Variants in CWF19L2 observed in about 807,000 individuals in gnomAD.
CWF19L2 encodes the protein CWF19-like protein 2.
In CWF19L2, 98 loss-of-function variants were observed where a neutral mutation model predicts 111.7. The observed-to-expected ratio is 0.88, with a 90% CI of 0.75 to 1.04. The LOEUF (loss-of-function observed/expected upper bound fraction) is 1.04. Among genes scored for constraint, CWF19L2 ranks in the 50% least tolerant of loss-of-function variants. The pLI, the probability that CWF19L2 is intolerant of heterozygous loss-of-function variation, is 0.00. For missense variants in CWF19L2, 1,101 were observed against 1,051.4 expected, an observed-to-expected ratio of 1.05 and a Z score of -0.65; for synonymous variants, 351 against 342.9, an observed-to-expected ratio of 1.02 and a Z score of -0.26.
chr11:107,342,939 C>T (rs1265637076), intron 14 of CWF19L2, among the ~76,000 whole-genome samples: 3 of 152,094 alleles, frequency 2.0e-5, no homozygotes, highest in Non-Finnish European at 4.4e-5. Flanking sequence ...ATGCTGGCAG[C>T]CCCTAGAAAC....
chr11:107,347,974 T>C (rs553128241), intron 14 of CWF19L2, among the ~76,000 whole-genome samples: 1 of 152,292 alleles, frequency 6.6e-6, no homozygotes, highest in African/African-American at 2.4e-5. Context: ...TGAATTTCCA[T>C]ACTTTCCACC....
At chr11:107,454,313 G>T (rs1861821582) in intron 3 of CWF19L2, 137 bp downstream of exon 3, 2 of 609,950 alleles carry the variant, frequency 3.3e-6, no homozygotes, top group Admixed American at 4.2e-5. Context: ...TCTCTAAGTA[G>T]ATGTATCCCA....
intron 8 of CWF19L2, among the ~76,000 whole-genome samples, chr11:107,421,874 G>GGAAA (rs1204232636): frequency 6.6e-6 from 1 of 151,988 alleles, no homozygotes; most frequent in African/African-American, 2.4e-5. Flanking sequence ...CCAAGAGAAA[G>GGAAA]GAAAGCATAT....
chr11:107,349,870 T>G (rs77181355), intron 13 of CWF19L2, among the ~76,000 whole-genome samples: 1 of 151,860 alleles, frequency 6.6e-6, no homozygotes, highest in African/African-American at 2.4e-5. Flanking sequence ...AAAAAAGAAA[T>G]AAAGATTAAG....
At chr11:107,436,429 T>C (rs1022664828) in intron 6 of CWF19L2, among the ~76,000 whole-genome samples, 1 of 152,186 alleles carries the variant, frequency 6.6e-6, no homozygotes, top group African/African-American at 2.4e-5. Context: ...TGGGCTATAT[T>C]ACCCAACTCT....
chr11:107,330,862 T>C (rs943099283), intron 16 of CWF19L2, among the ~76,000 whole-genome samples: 1 of 152,150 alleles, frequency 6.6e-6, no homozygotes, highest in Non-Finnish European at 1.5e-5. Flanking sequence ...ATATAGTCTG[T>C]ACTTACTTAT....
At chr11:107,404,097 T>C in intron 10 of CWF19L2, 5 of 773,650 alleles carry the variant, frequency 6.5e-6, no homozygotes, top group South Asian at 1.3e-5. Context: ...ATGGTTCTCC[T>C]TTCTCCATGT....
intron 1 of CWF19L2, 72 bp downstream of exon 1, chr11:107,457,640 A>T (rs545901953): frequency 9.2e-7 from 1 of 1,085,378 alleles, no homozygotes; most frequent in African/African-American, 1.6e-5. Context: ...GGAAGGGGTG[A>T]GTGGGCTAGC....
At chr11:107,346,848 G>A (rs1860087503) in intron 14 of CWF19L2, among the ~76,000 whole-genome samples, 1 of 152,030 alleles carries the variant, frequency 6.6e-6, no homozygotes, top group Non-Finnish European at 1.5e-5. Context: ...CTGGCAAGTG[G>A]GCTTAGATGA....
In CWF19L2 at chr11:107,336,608, A is replaced by C. The variant is rs781336327; in HGVS notation, c.2308T>G (p.Cys770Gly). The C allele has an allele frequency of 1.7e-5, 27 of 1,608,556 alleles. 1 individual carries two copies. The South Asian group carries it at 2.7e-4, about 16-fold the overall frequency. The part of the protein sequence containing the change: ...MKKQYHMVYE[C>G]IPLPKEVGDM... Reference sequence around the variant, plus strand: ...CCCACTTCCTTGGGAAGAGGAATACATTCATAAACCATGTGATACTGTTTC... The same window carrying C: ...CCCACTTCCTTGGGAAGAGGAATACCTTCATAAACCATGTGATACTGTTTC... The change falls in exon 15 of 18, where the codon TGT becomes GGT. Residue 770 changes from cysteine to glycine, a missense_variant. Coordinates refer to ENST00000282251, the MANE Select transcript of CWF19L2 (RefSeq NM_152434.3).
intron 5 of CWF19L2, among the ~76,000 whole-genome samples, 183 bp from the exon 6 acceptor site, chr11:107,439,366 T>C (rs1351095317): frequency 6.6e-6 from 1 of 152,254 alleles, no homozygotes; most frequent in African/African-American, 2.4e-5. Flanking sequence ...TTCAATGTTC[T>C]TATTTAATGC....
At chr11:107,352,551 T>G (rs951935142) in intron 13 of CWF19L2, among the ~76,000 whole-genome samples, 3 of 152,206 alleles carry the variant, frequency 2.0e-5, no homozygotes, top group African/African-American at 7.2e-5. Context: ...AACTCTTATT[T>G]AAGTTATAAC....
intron 8 of CWF19L2, among the ~76,000 whole-genome samples, chr11:107,425,677 A>G (rs570235): frequency 0.18 from 27,133 of 151,756 alleles, 2,608 homozygotes; most frequent in Middle Eastern, 0.27. Context: ...CTGCTCTCAT[A>G]TTTGCTTCCT....
At chr11:107,440,362 A>T (rs1030219688) in intron 5 of CWF19L2, among the ~76,000 whole-genome samples, 1 of 152,206 alleles carries the variant, frequency 6.6e-6, no homozygotes, top group African/African-American at 2.4e-5. Flanking sequence ...GGGCTTTTTT[A>T]AATGTATCCA....
chr11:107,427,017 T>C (rs1453738095), intron 8 of CWF19L2, among the ~76,000 whole-genome samples: 1 of 151,990 alleles, frequency 6.6e-6, no homozygotes, highest in East Asian at 1.9e-4. Context: ...AGATTACAAA[T>C]GGCATGTTCT....
At chr11:107,342,843 G>C (rs990104846) in intron 14 of CWF19L2, among the ~76,000 whole-genome samples, 2 of 152,286 alleles carry the variant, frequency 1.3e-5, no homozygotes, top group East Asian at 3.9e-4. Context: ...ATAAGAGGGA[G>C]GCAGAGCAAG....
At chr11:107,356,690 C>G (rs1025078979) in intron 12 of CWF19L2, among the ~76,000 whole-genome samples, 1 of 152,118 alleles carries the variant, frequency 6.6e-6, no homozygotes, top group Non-Finnish European at 1.5e-5. Flanking sequence ...GATAGTAATT[C>G]TAATCCAAAT....
chr11:107,449,555 T>C (rs981825235), intron 3 of CWF19L2, among the ~76,000 whole-genome samples: 3 of 151,974 alleles, frequency 2.0e-5, no homozygotes, highest in Admixed American at 6.6e-5. Context: ...AGAAGTAAAA[T>C]ATATGACAAC....
intron 15 of CWF19L2, 51 bp downstream of exon 15, chr11:107,336,507 A>G (rs943268020): frequency 2.9e-6 from 4 of 1,376,130 alleles, no homozygotes; most frequent in Non-Finnish European, 4.0e-6. Flanking sequence ...TATTTGTAAA[A>G]TAGCACTATA....
Sources: allele counts gnomAD v4.1 joint callset (sites outside exome capture counted in the v4.1 genomes callset), GRCh38; gene constraint gnomAD v4.1.1; transcripts MANE v1.5; gene names NCBI Gene and HGNC (gene_info 2026-07-23, HGNC 2026-07-21).